COL11A1: variants seen among roughly 807,000 people sequenced by gnomAD.
The protein encoded by COL11A1 is collagen alpha-1(XI) chain.
Under a neutral mutation model 265.2 loss-of-function variants are expected in COL11A1, and 74 were observed. That is an observed-to-expected ratio of 0.28 (90% CI 0.23 to 0.34). COL11A1 has a LOEUF of 0.34. COL11A1 is among the 10% of genes least tolerant of loss of function. The pLI, the probability that COL11A1 is intolerant of heterozygous loss-of-function variation, is 1.00. For missense variants in COL11A1, 2,165 were observed against 2,263.6 expected (o/e 0.96, Z 0.88); for synonymous variants, 816 against 727.6 (o/e 1.12, Z -1.96).
intron 54 of COL11A1, among the ~76,000 whole-genome samples, chr1:102,907,748 C>CTA (rs35160258): frequency 0.94 from 142,567 of 152,046 alleles, 66,881 homozygotes; most frequent in East Asian, 1. Context: ...TGAGATTCAT[C>CTA]TGTTATGCAT....
At chr1:102,951,468 C>A (rs1204985543) in intron 41 of COL11A1, among the ~76,000 whole-genome samples, 1 of 152,150 alleles carries the variant, frequency 6.6e-6, no homozygotes, top group East Asian at 1.9e-4. Flanking sequence ...GAGGCCAAGG[C>A]GGGCGGATCA....
intron 4 of COL11A1, among the ~76,000 whole-genome samples, chr1:103,044,537 T>C (rs80140099): frequency 0.14 from 20,906 of 152,092 alleles, 1,543 homozygotes; most frequent in African/African-American, 0.15. Context: ...TCTTATACTT[T>C]CTAGGTTATC....
chr1:102,958,588 A>T (rs1660595743), intron 41 of COL11A1, among the ~76,000 whole-genome samples: 1 of 152,212 alleles, frequency 6.6e-6, no homozygotes, highest in East Asian at 1.9e-4. Context: ...TTCTGCAGCA[A>T]TTAAAACAAT....
At chr1:102,944,144 G>A (rs1463873359) in intron 42 of COL11A1, among the ~76,000 whole-genome samples, 1 of 152,156 alleles carries the variant, frequency 6.6e-6, no homozygotes, top group Non-Finnish European at 1.5e-5. Context: ...TTCTTTTAAT[G>A]CAAATGTAAA....
At chr1:102,944,859 C>T (rs1659091926) in intron 42 of COL11A1, among the ~76,000 whole-genome samples, 2 of 152,088 alleles carry the variant, frequency 1.3e-5, no homozygotes, top group South Asian at 2.1e-4. Flanking sequence ...TATGTGTTCC[C>T]TATATTTTTT....
intron 54 of COL11A1, among the ~76,000 whole-genome samples, chr1:102,902,319 G>T (rs1570674673): frequency 1.3e-5 from 2 of 152,100 alleles, no homozygotes; most frequent in African/African-American, 2.4e-5. Context: ...GAAAGGCAGA[G>T]TCTTGGCATA....
chr1:103,025,240 T>C (rs1434386930), intron 7 of COL11A1, among the ~76,000 whole-genome samples: 1 of 152,158 alleles, frequency 6.6e-6, no homozygotes, highest in East Asian at 1.9e-4. Flanking sequence ...AAAAGCTTGC[T>C]CAATTCCAGG....
At chr1:103,054,825 T>C (rs1670113813) in intron 4 of COL11A1, among the ~76,000 whole-genome samples, 1 of 152,008 alleles carries the variant, frequency 6.6e-6, no homozygotes, top group Admixed American at 6.6e-5. Flanking sequence ...CACTTGAACA[T>C]GGGAGGCAGA....
At chr1:103,026,763 A>T (rs1185526503) in intron 5 of COL11A1, among the ~76,000 whole-genome samples, 1 of 152,096 alleles carries the variant, frequency 6.6e-6, no homozygotes. Context: ...TCTAAAAATA[A>T]AAATGTAGAG....
At chr1:103,089,514 TTC>T (rs1469784263) in intron 1 of COL11A1, among the ~76,000 whole-genome samples, 2 of 152,182 alleles carry the variant, frequency 1.3e-5, no homozygotes, top group Non-Finnish European at 2.9e-5. Context: ...GCTAATATTT[TTC>T]TCTCTCTGTT....
At chr1:102,898,878 A>G (rs1652791724) in intron 55 of COL11A1, 63 bp downstream of exon 55, 1 of 1,248,032 alleles carries the variant, frequency 8.0e-7, no homozygotes. Context: ...TGAAATTTTC[A>G]AATATAATAC....
Position 102,877,864 on chromosome 1 carries a change from T to C in COL11A1, c.*155A>G. The C allele has an allele frequency of 1.5e-6, 1 of 689,604 alleles. No individual in the cohort carries two copies. Among genetic ancestry groups the C allele is most frequent in the Admixed American group, 2.4e-5 (1 of 41,858 alleles). The allele number at this position is 689,604 out of a possible 1,614,324, so 42.7% of individuals were successfully genotyped here. ...TTTCAAAGCTTTTGCCATGTGATTC[T>C]GCCCCCACAAAGGCATCGGTATTTC... is the stretch of plus-strand genomic sequence containing the variant. On this transcript the variant is annotated 3_prime_UTR_variant, in exon 67 of 67. Coordinates refer to ENST00000370096, the MANE Select transcript of COL11A1 (RefSeq NM_001854.4).
intron 7 of COL11A1, among the ~76,000 whole-genome samples, chr1:103,023,603 C>T (rs561569510): frequency 9.2e-5 from 14 of 152,182 alleles, no homozygotes; most frequent in African/African-American, 3.4e-4. Context: ...GTGATCCACC[C>T]GCCTTGGTCT....
In COL11A1 at chr1:103,018,840, G is replaced by A. The variant is rs757688496; in HGVS notation, c.1328C>T (p.Pro443Leu). Residue 443 changes from proline (P) to leucine (L), a missense_variant, in exon 10 of 67, where the codon CCA becomes CTA. Coordinates refer to ENST00000370096, the MANE Select transcript of COL11A1 (RefSeq NM_001854.4). ...TACTGCAGGTCCTGCTGGTCCTGGT[G>A]GTCCTTCGACAAGCATACCCTATAA... is the stretch of plus-strand genomic sequence containing the variant. Reference protein sequence around the residue: ...VVEPGMLVEGPPGPAGPAGIM... With the variant: ...VVEPGMLVEGLPGPAGPAGIM... 1.9e-6 allele frequency: 3 copies of A among 1,612,478 alleles called. No homozygotes were observed. The highest frequency in any genetic ancestry group is 3.3e-5 in the Admixed American group (2 of 59,980).
intron 24 of COL11A1, among the ~76,000 whole-genome samples, chr1:102,998,776 A>G (rs1362918974): frequency 6.6e-6 from 1 of 151,938 alleles, no homozygotes; most frequent in Non-Finnish European, 1.5e-5. Context: ...ATTACATAGT[A>G]ACATTGATGA....
intron 2 of COL11A1, among the ~76,000 whole-genome samples, chr1:103,081,301 A>C (rs1053906047): frequency 3.3e-5 from 5 of 151,998 alleles, no homozygotes; most frequent in African/African-American, 1.2e-4. Context: ...AAAGGTTTTT[A>C]ATTGGTATAT....
intron 41 of COL11A1, among the ~76,000 whole-genome samples, chr1:102,952,319 G>A (rs576091849): frequency 7.9e-5 from 12 of 152,110 alleles, no homozygotes; most frequent in African/African-American, 1.4e-4. Flanking sequence ...GGATGGTCTC[G>A]ATCTCTTGAC....
chr1:103,105,392 T>G (rs1190346917), intron 1 of COL11A1, among the ~76,000 whole-genome samples: 2 of 152,142 alleles, frequency 1.3e-5, no homozygotes, highest in Non-Finnish European at 2.9e-5. Context: ...ATGAGTATAA[T>G]AAATATTTCC....
chr1:103,002,662 A>G, intron 22 of COL11A1, 85 bp downstream of exon 22: 1 of 1,259,542 alleles, frequency 7.9e-7, no homozygotes. Context: ...GTAATAAATC[A>G]TTATATTTTA....
Sources: allele counts gnomAD v4.1 joint callset (sites outside exome capture counted in the v4.1 genomes callset), GRCh38; gene constraint gnomAD v4.1.1; transcripts MANE v1.5; gene names NCBI Gene and HGNC (gene_info 2026-07-23, HGNC 2026-07-21).